Variants in IL1RAPL2 observed in about 807,000 individuals in gnomAD.
The protein encoded by IL1RAPL2 is X-linked interleukin-1 receptor accessory protein-like 2.
A neutral mutation model predicts 44.1 loss-of-function variants in IL1RAPL2; 3 were observed. The observed-to-expected ratio is 0.07, with a 90% CI of 0.03 to 0.18. IL1RAPL2 has a LOEUF of 0.18. Ranked by LOEUF, IL1RAPL2 falls within the 10% of genes least tolerant of loss-of-function variation. IL1RAPL2 has a pLI of 1.00. For synonymous variants in IL1RAPL2, 181 were observed against 178.8 expected, an observed-to-expected ratio of 1.01 and a Z score of -0.10; for missense variants, 391 against 496.4, an observed-to-expected ratio of 0.79 and a Z score of 2.02.
intron 6 of IL1RAPL2, among the ~76,000 whole-genome samples, chrX:105,507,615 G>A (rs1238559047): frequency 9.0e-6 from 1 of 111,231 alleles, no homozygotes; most frequent in African/African-American, 3.3e-5. Flanking sequence ...CGTATAGGCA[G>A]ACTCTAGATC....
chrX:104,760,688 C>T (rs1932413137), intron 2 of IL1RAPL2, among the ~76,000 whole-genome samples: 1 of 111,225 alleles, frequency 9.0e-6, no homozygotes. Flanking sequence ...TTATTAATTG[C>T]TTGTCAGATG....
At chrX:105,682,166 A>G (rs1276982677) in intron 6 of IL1RAPL2, among the ~76,000 whole-genome samples, 1 of 112,365 alleles carries the variant, frequency 8.9e-6, no homozygotes, top group East Asian at 2.8e-4. Flanking sequence ...TAAATCTATT[A>G]TTAAAGAAGA....
At chrX:104,635,018 G>T (rs1158592538) in intron 1 of IL1RAPL2, among the ~76,000 whole-genome samples, 2 of 111,297 alleles carry the variant, frequency 1.8e-5, no homozygotes, top group Non-Finnish European at 3.8e-5. Flanking sequence ...TTCTTCAGGA[G>T]CTCTTTTAGG....
rs183353776 is a variant in IL1RAPL2 at position 104,683,812 on chromosome X, G to A, written c.82+24817G>A. Among the ~76,000 whole-genome samples, 516 of 112,245 alleles carry A rather than the reference G, an allele frequency of 4.6e-3. 2 individuals are homozygous for A. The highest frequency in any genetic ancestry group is 0.016 in the African/African-American group (485 of 30,898). On this transcript the variant is annotated intron_variant, in intron 2 of 10. Transcript: ENST00000372582. ...TGTGAAAATTATGAGCCCAGGAATA[G>A]AAGAGTCTGGCTTTCCTTCTCATGG...
At chrX:104,843,008 G>A in intron 2 of IL1RAPL2, among the ~76,000 whole-genome samples, 1 of 112,563 alleles carries the variant, frequency 8.9e-6, no homozygotes, top group East Asian at 2.8e-4. Context: ...TGCCACAGCA[G>A]TCGGCCTTCC....
In IL1RAPL2 at chrX:105,247,603, A is replaced by G. The variant is rs866819060; in HGVS notation, c.543+13599A>G. Among the ~76,000 whole-genome samples the G allele has an allele frequency of 4.2e-3, 401 of 95,048 alleles. 3 individuals carry two copies. The highest frequency in any genetic ancestry group is 0.016 in the Middle Eastern group (3 of 188). The allele number at this position is 95,048 out of a possible 115,157, so 82.5% of individuals were successfully genotyped here. ...TAGAAGTGTGTGTGTATATATATAT[A>G]TGTGTGTGTGTGTGTGTGTGTGTGT... On this transcript the variant is annotated intron_variant, in intron 4 of 10. Coordinates refer to ENST00000372582, the MANE Select transcript of IL1RAPL2 (RefSeq NM_017416.2).
chrX:104,764,552 C>T (rs1221635798), intron 2 of IL1RAPL2, among the ~76,000 whole-genome samples: 3 of 111,543 alleles, frequency 2.7e-5, no homozygotes, highest in South Asian at 3.7e-4. Context: ...TTATATCTTC[C>T]TCTTGTCTGA....
intron 5 of IL1RAPL2, among the ~76,000 whole-genome samples, chrX:105,324,127 A>G (rs999200686): frequency 5.4e-5 from 6 of 111,263 alleles, no homozygotes; most frequent in Non-Finnish European, 1.1e-4. Flanking sequence ...TGGTCAGATC[A>G]GATTACATGT....
At chrX:104,964,928 C>G (rs780216667) in intron 2 of IL1RAPL2, among the ~76,000 whole-genome samples, 19 of 110,935 alleles carry the variant, frequency 1.7e-4, no homozygotes, top group Non-Finnish European at 3.4e-4. Flanking sequence ...CTGCATCAGC[C>G]TCCCATAGCA....
At chrX:104,580,158 T>C (rs771783689) in intron 1 of IL1RAPL2, among the ~76,000 whole-genome samples, 1 of 112,329 alleles carries the variant, frequency 8.9e-6, no homozygotes, top group Non-Finnish European at 1.9e-5. Context: ...AACCTCTCTG[T>C]CACTTCCATA....
chrX:104,849,355 A>AATATAT (rs375364495), intron 2 of IL1RAPL2, among the ~76,000 whole-genome samples: 6 of 68,664 alleles, frequency 8.7e-5, no homozygotes, highest in Admixed American at 1.5e-4. Context: ...TGAACTATAT[A>AATATAT]ATATATATAT....
intron 2 of IL1RAPL2, among the ~76,000 whole-genome samples, chrX:104,942,689 C>T (rs767050070): frequency 9.0e-6 from 1 of 111,046 alleles, no homozygotes; most frequent in South Asian, 3.8e-4. Flanking sequence ...CCTTTATTTC[C>T]TTCTCCTGCC....
intron 2 of IL1RAPL2, among the ~76,000 whole-genome samples, chrX:104,943,170 C>T (rs1461426847): frequency 9.0e-6 from 1 of 110,948 alleles, no homozygotes; most frequent in African/African-American, 3.3e-5. Flanking sequence ...TTAATTGTGT[C>T]TCTGCCAGGC....
chrX:104,605,593 G>T (rs980700327), intron 1 of IL1RAPL2, among the ~76,000 whole-genome samples: 2 of 111,702 alleles, frequency 1.8e-5, no homozygotes. Flanking sequence ...AAGAAGAAAA[G>T]AGAGAAGAAT....
At chrX:105,565,650 C>T (rs1422743186) in intron 6 of IL1RAPL2, among the ~76,000 whole-genome samples, 2 of 112,135 alleles carry the variant, frequency 1.8e-5, no homozygotes, top group Non-Finnish European at 3.8e-5. Flanking sequence ...CTATTTTCTC[C>T]GTATCACTTT....
intron 5 of IL1RAPL2, among the ~76,000 whole-genome samples, chrX:105,423,198 T>A (rs189617861): frequency 6.3e-4 from 70 of 111,828 alleles, no homozygotes; most frequent in Non-Finnish European, 2.4e-4. Flanking sequence ...GTTTTCTGTA[T>A]AATTTTCATA....
intron 2 of IL1RAPL2, among the ~76,000 whole-genome samples, chrX:105,007,047 C>A (rs974025474): frequency 9.0e-6 from 1 of 111,351 alleles, no homozygotes; most frequent in Admixed American, 9.6e-5. Flanking sequence ...TTAATGCCTG[C>A]CAACAACTTA....
At chrX:104,692,807 G>A (rs1323463348) in intron 2 of IL1RAPL2, among the ~76,000 whole-genome samples, 2 of 111,494 alleles carry the variant, frequency 1.8e-5, no homozygotes, top group Admixed American at 9.6e-5. Flanking sequence ...ATAAACATAC[G>A]TGTGCATGTG....
chrX:104,864,771 C>T (rs1046177256), intron 2 of IL1RAPL2, among the ~76,000 whole-genome samples: 1 of 111,498 alleles, frequency 9.0e-6, no homozygotes, highest in Admixed American at 9.6e-5. Flanking sequence ...CCATCCTTCC[C>T]CAGGAAGACC....
Sources: gnomAD v4.1 joint callset for allele counts (sites outside exome capture counted in the v4.1 genomes callset) on GRCh38, gnomAD v4.1.1 for gene constraint, MANE v1.5 for transcripts, NCBI Gene and HGNC (gene_info 2026-07-23, HGNC 2026-07-21) for gene names.